Variants in MDGA2 observed in about 807,000 individuals in gnomAD.
MDGA2 encodes MAM domain containing glycosylphosphatidylinositol anchor 2.
A neutral mutation model predicts 117.8 loss-of-function variants in MDGA2; 40 were observed. The observed-to-expected ratio is 0.34, with a 90% CI of 0.26 to 0.44. The LOEUF is 0.44. MDGA2 is among the 20% of genes least tolerant of loss of function. MDGA2 has a pLI of 1.00. For synonymous variants in MDGA2, 452 were observed against 439.0 expected, an observed-to-expected ratio of 1.03 and a Z score of -0.37; for missense variants, 1,123 against 1,250.6, an observed-to-expected ratio of 0.90 and a Z score of 1.54.
chr14:46,924,048 A>G (rs1884232663), intron 9 of MDGA2, among the ~76,000 whole-genome samples: 2 of 151,996 alleles, frequency 1.3e-5, no homozygotes, highest in African/African-American at 2.4e-5. Context: ...ATTCTTATAC[A>G]ATGTTGTTCC....
chr14:46,960,705 A>G (rs1272106849), intron 8 of MDGA2, among the ~76,000 whole-genome samples: 2 of 149,490 alleles, frequency 1.3e-5, no homozygotes, highest in Non-Finnish European at 2.9e-5. Flanking sequence ...ATATACACAT[A>G]TATGTACATG....
chr14:47,287,234 C>T (rs1287040700), intron 2 of MDGA2, among the ~76,000 whole-genome samples: 2 of 151,966 alleles, frequency 1.3e-5, no homozygotes, highest in Non-Finnish European at 2.9e-5. Flanking sequence ...CCTTTTAAAC[C>T]AACCAAAGCT....
chr14:47,590,109 A>G (rs755697969), intron 1 of MDGA2, among the ~76,000 whole-genome samples: 8 of 151,496 alleles, frequency 5.3e-5, no homozygotes, highest in Non-Finnish European at 8.9e-5. Flanking sequence ...ACGGTTTTCT[A>G]TAAACAAAAG....
chr14:47,542,682 T>C (rs1895376720), intron 1 of MDGA2, among the ~76,000 whole-genome samples: 1 of 152,226 alleles, frequency 6.6e-6, no homozygotes, highest in African/African-American at 2.4e-5. Context: ...TAAAAATTGC[T>C]ATGTACCTAC....
chr14:47,667,697 C>G (rs1354967559), intron 1 of MDGA2, among the ~76,000 whole-genome samples: 1 of 152,228 alleles, frequency 6.6e-6, no homozygotes, highest in Admixed American at 6.5e-5. Context: ...TTTGTGCTGT[C>G]CATTAAGACT....
intron 8 of MDGA2, among the ~76,000 whole-genome samples, chr14:46,979,751 C>G (rs529140015): frequency 4.6e-5 from 7 of 152,248 alleles, no homozygotes; most frequent in Admixed American, 3.3e-4. Context: ...AAGTTTGAAG[C>G]TATCAAAGGT....
chr14:47,110,176 A>G (rs972224766), intron 5 of MDGA2, among the ~76,000 whole-genome samples: 1 of 152,070 alleles, frequency 6.6e-6, no homozygotes, highest in African/African-American at 2.4e-5. Context: ...CAAAAAAAAA[A>G]AATACAGTGT....
At chr14:46,879,614 G>A (rs544239238) in intron 11 of MDGA2, among the ~76,000 whole-genome samples, 9 of 151,944 alleles carry the variant, frequency 5.9e-5, no homozygotes, top group Non-Finnish European at 1.2e-4. Context: ...CCACTACTAA[G>A]CTAATTAACT....
rs953507687 is a variant in MDGA2 at position 47,138,062 on chromosome 14, A to AT, written c.792+6015dup. Among the ~76,000 whole-genome samples the AT allele has an allele frequency of 1.1e-4, 16 of 152,304 alleles. No homozygotes were observed. The East Asian group carries it at 2.7e-3, about 26-fold the overall frequency. On this transcript the variant is annotated intron_variant, in intron 4 of 16. Transcript: ENST00000399232. ...CTTAATTCATGACAGTCAGCATATA[A>AT]TAAAAATATTTTAAAACAATACAGC... is the stretch of plus-strand genomic sequence containing the variant.
At chr14:47,654,332 C>G (rs1897699898) in intron 1 of MDGA2, among the ~76,000 whole-genome samples, 2 of 152,044 alleles carry the variant, frequency 1.3e-5, no homozygotes, top group Non-Finnish European at 2.9e-5. Flanking sequence ...CTACAGAAGT[C>G]TCCCTGTTAA....
chr14:47,572,636 G>A (rs1896041840), intron 1 of MDGA2, among the ~76,000 whole-genome samples: 1 of 152,160 alleles, frequency 6.6e-6, no homozygotes, highest in Admixed American at 6.5e-5. Context: ...TAGGCAGCAT[G>A]TCTTCTCTAG....
chr14:47,619,138 CACACACACACACAGAT>C (rs1355272165), intron 1 of MDGA2, among the ~76,000 whole-genome samples: 2 of 132,852 alleles, frequency 1.5e-5, no homozygotes, highest in Non-Finnish European at 3.4e-5. Flanking sequence ...CACACACACA[CACACACACACACAGAT>C]ACATTATCTA....
At chr14:47,315,349 C>T (rs992205783) in intron 1 of MDGA2, among the ~76,000 whole-genome samples, 45 of 152,130 alleles carry the variant, frequency 3.0e-4, no homozygotes, top group African/African-American at 1.0e-3. Flanking sequence ...AGCTCACCCT[C>T]TTCTTTGCCC....
intron 8 of MDGA2, among the ~76,000 whole-genome samples, chr14:47,002,688 C>T (rs1887574976): frequency 6.6e-6 from 1 of 151,656 alleles, no homozygotes; most frequent in Non-Finnish European, 1.5e-5. Context: ...GAGATTACAC[C>T]GTTGCACTCC....
At chr14:47,476,072 A>C (rs1324785065) in intron 1 of MDGA2, among the ~76,000 whole-genome samples, 2 of 152,260 alleles carry the variant, frequency 1.3e-5, no homozygotes, top group East Asian at 1.9e-4. Context: ...AAATCAATTT[A>C]ACAAATTTTA....
At chr14:47,110,289 A>T (rs1880968131) in intron 5 of MDGA2, among the ~76,000 whole-genome samples, 1 of 152,146 alleles carries the variant, frequency 6.6e-6, no homozygotes, top group African/African-American at 2.4e-5. Flanking sequence ...AACCAAAATA[A>T]AGGCTACGTG....
At chr14:46,927,291 TATC>T (rs1451272517) in intron 9 of MDGA2, among the ~76,000 whole-genome samples, 2 of 152,178 alleles carry the variant, frequency 1.3e-5, no homozygotes, top group Non-Finnish European at 2.9e-5. Context: ...TATTAGGTCT[TATC>T]ATATTAAAAG....
At chr14:47,309,945 A>T (rs1889580828) in intron 1 of MDGA2, among the ~76,000 whole-genome samples, 1 of 152,142 alleles carries the variant, frequency 6.6e-6, no homozygotes, top group African/African-American at 2.4e-5. Flanking sequence ...CAATGATAAA[A>T]AGCAATCATA....
In MDGA2 at chr14:46,965,823, A is replaced by C. The variant is rs1886006426; in HGVS notation, c.1820-8180T>G. Among the ~76,000 whole-genome samples, 3 of 152,348 alleles carry C rather than the reference A, an allele frequency of 2.0e-5. No individual in the cohort carries two copies. In the South Asian group the frequency reaches 6.2e-4, roughly 32 times the overall value. On this transcript the variant is annotated intron_variant, in intron 8 of 16. Transcript: ENST00000399232. ...TGATAGAATCAGTTTTTTATGGCAT[A>C]AAATTTATTCAGAATGTTTTTATGA...
Sources: gnomAD v4.1 joint callset for allele counts (sites outside exome capture counted in the v4.1 genomes callset) on GRCh38, gnomAD v4.1.1 for gene constraint, MANE v1.5 for transcripts, NCBI Gene and HGNC (gene_info 2026-07-23, HGNC 2026-07-21) for gene names.